Variants in STT3A observed in about 807,000 individuals in gnomAD.
STT3A encodes STT3 oligosaccharyltransferase complex catalytic subunit A.
Under a neutral mutation model 89.2 loss-of-function variants are expected in STT3A, and 34 were observed. That is an observed-to-expected ratio of 0.38 (90% CI 0.29 to 0.51). The LOEUF is 0.51. Ranked by LOEUF, STT3A falls within the 20% of genes least tolerant of loss-of-function variation. The probability of loss-of-function intolerance (pLI) is 0.89; values close to 1 mark genes in which losing one functional copy is unlikely to be tolerated. For synonymous variants in STT3A, 282 were observed against 310.3 expected, an observed-to-expected ratio of 0.91 and a Z score of 0.96; for missense variants, 555 against 889.5, an observed-to-expected ratio of 0.62 and a Z score of 4.78.
chr11:125,607,588 C>T (rs1191468491), intron 8 of STT3A, among the ~76,000 whole-genome samples: 1 of 152,190 alleles, frequency 6.6e-6, no homozygotes, highest in East Asian at 1.9e-4. Flanking sequence ...CCAACACAGA[C>T]CTACTGAATC....
chr11:125,615,265 A>C (rs1940143978), intron 15 of STT3A, among the ~76,000 whole-genome samples: 1 of 150,120 alleles, frequency 6.7e-6, no homozygotes, highest in Non-Finnish European at 1.5e-5. Flanking sequence ...AAACTGTTTC[A>C]AAAAAAAAAG....
chr11:125,611,272 G>T, intron 10 of STT3A, 156 bp from the exon 11 acceptor site: 1 of 601,812 alleles, frequency 1.7e-6, no homozygotes, highest in Admixed American at 3.3e-5. Context: ...AAACATCTTT[G>T]CATGTTTCTA....
intron 4 of STT3A, 102 bp downstream of exon 4, chr11:125,602,526 C>T (rs764367590): frequency 1.7e-5 from 23 of 1,323,020 alleles, no homozygotes; most frequent in Admixed American, 3.0e-5. Flanking sequence ...TCTTGTGACA[C>T]TTGTAATTTC....
intron 1 of STT3A, among the ~76,000 whole-genome samples, chr11:125,595,241 A>G (rs1341284819): frequency 6.8e-6 from 1 of 148,078 alleles, no homozygotes; most frequent in Non-Finnish European, 1.5e-5. Context: ...GTGTGATCCT[A>G]GCTCACTGCA....
chr11:125,621,658 C>A lies in STT3A; in HGVS notation c.*848C>A, dbSNP rs1435389228. 6.6e-6 allele frequency: 1 copy of A among 152,150 alleles called. No homozygotes were observed. Among genetic ancestry groups the A allele is most frequent in the African/African-American group, 2.4e-5 (1 of 41,426 alleles). 9.4% of individuals were successfully genotyped at this position (152,150 alleles called of 1,614,324 possible). A position where few individuals can be genotyped will look rare whatever the true frequency, so the allele number is the denominator to read the frequency against. ...CTTGTGGTTGTTCAAAGGTGAGCTTCTTTTTCCCTTAGTCTTAGCCTATGT... is the reference window on the plus strand; with the variant it reads ...CTTGTGGTTGTTCAAAGGTGAGCTTATTTTTCCCTTAGTCTTAGCCTATGT... On this transcript the variant is annotated 3_prime_UTR_variant, in exon 18 of 18. Coordinates refer to ENST00000392708, the MANE Select transcript of STT3A (RefSeq NM_152713.5).
intron 7 of STT3A, among the ~76,000 whole-genome samples, chr11:125,606,059 C>A (rs1422133075): frequency 6.6e-6 from 1 of 151,874 alleles, no homozygotes; most frequent in East Asian, 1.9e-4. Context: ...TGGGTTTGAA[C>A]TTGATTTTAT....
At position 125,620,872 on chromosome 11, in the gene STT3A, T is replaced by A; in HGVS notation, c.*62T>A. 6 of 601,170 alleles carry A rather than the reference T, an allele frequency of 1.0e-5. No individual in the cohort carries two copies. The highest frequency in any genetic ancestry group is 4.0e-5 in the South Asian group (1 of 24,948). The allele number at this position is 601,170 out of a possible 1,614,324, so 37.2% of individuals were successfully genotyped here. A position where few individuals can be genotyped will look rare whatever the true frequency, so the allele number is the denominator to read the frequency against. On this transcript the variant is annotated 3_prime_UTR_variant, in exon 18 of 18. Transcript: ENST00000392708. ...ACATCACATTTAGGACGTTGAAGAT[T>A]TTTTTTTTTTTTTTTTTTTAATATG...
intron 3 of STT3A, among the ~76,000 whole-genome samples, chr11:125,601,952 C>T (rs1024598832): frequency 6.6e-6 from 1 of 152,012 alleles, no homozygotes; most frequent in South Asian, 2.1e-4. Context: ...GCACATGCCA[C>T]CGTGCCCAGC....
Position 125,606,321 on chromosome 11 carries a change from T to C in STT3A, c.636T>C (p.Tyr212=). The C allele has an allele frequency of 3.7e-6, 6 of 1,613,884 alleles. No individual in the cohort carries two copies. Among genetic ancestry groups the C allele is most frequent in the Non-Finnish European group, 5.1e-6 (6 of 1,179,980 alleles). The change falls in exon 8 of 18, where the codon TAT becomes TAC. Residue 212 remains tyrosine (Y), a synonymous_variant. Coordinates refer to ENST00000392708, the MANE Select transcript of STT3A (RefSeq NM_152713.5). ...CATAGGTCTCGTCATGGGGAGGTTA[T>C]GTGTTCCTGATCAACTTAATTCCTC... ...YFYMVSSWGG[Y]VFLINLIPLH...
Position 125,621,021 on chromosome 11 carries a change from GGCTTTACTT to G in STT3A, c.*212_*220del, listed in dbSNP as rs1940333216. On this transcript the variant is annotated 3_prime_UTR_variant, in exon 18 of 18. Coordinates refer to ENST00000392708, the MANE Select transcript of STT3A (RefSeq NM_152713.5). ...AACAGGTTACCAAATGAAATGTCAT[GGCTTTACTT>G]TGGTCAATTAAAGGGGGGAATTTTT... is the stretch of plus-strand genomic sequence containing the variant. 2.2e-6 allele frequency: 1 copy of G among 446,538 alleles called. No homozygotes were observed. Among genetic ancestry groups the G allele is most frequent in the African/African-American group, 2.0e-5 (1 of 49,264 alleles). 27.7% of individuals were successfully genotyped at this position (446,538 alleles called of 1,614,324 possible). A position where few individuals can be genotyped will look rare whatever the true frequency, so the allele number is the denominator to read the frequency against.
chr11:125,604,734 A>T (rs1939783031), intron 6 of STT3A, among the ~76,000 whole-genome samples: 1 of 152,254 alleles, frequency 6.6e-6, no homozygotes, highest in African/African-American at 2.4e-5. Flanking sequence ...TAAAATGGAC[A>T]TGTAAATATA....
intron 7 of STT3A, 100 bp from the exon 8 acceptor site, chr11:125,606,201 T>C (rs1037343600): frequency 9.0e-7 from 1 of 1,111,748 alleles, no homozygotes; most frequent in African/African-American, 1.6e-5. Flanking sequence ...ATAGTTACTA[T>C]AAGTGTTCTT....
intron 6 of STT3A, among the ~76,000 whole-genome samples, chr11:125,604,805 G>A (rs1029539527): frequency 2.0e-5 from 3 of 152,198 alleles, no homozygotes; most frequent in Non-Finnish European, 4.4e-5. Flanking sequence ...AGTACTTCAG[G>A]AATGTAGTGG....
At position 125,623,033 on chromosome 11, in the gene STT3A, T is replaced by C. The variant is rs693615; in HGVS notation, c.*2223T>C. ...TTGCAGTGAGCAGACATCATGCCAC[T>C]GCACTCCAACCTGGGAGACAGAGCA... On this transcript the variant is annotated 3_prime_UTR_variant, in exon 18 of 18. Coordinates refer to ENST00000392708, the MANE Select transcript of STT3A (RefSeq NM_152713.5). The C allele has an allele frequency of 0.035, 4,599 of 130,224 alleles. 98 individuals carry two copies. Among genetic ancestry groups the C allele is most frequent in the Middle Eastern group, 0.07 (13 of 186 alleles). The allele number at this position is 130,224 out of a possible 1,614,324, so 8.1% of individuals were successfully genotyped here.
intron 8 of STT3A, among the ~76,000 whole-genome samples, chr11:125,607,631 G>C (rs1055836332): frequency 1.2e-4 from 19 of 152,326 alleles, no homozygotes; most frequent in African/African-American, 4.6e-4. Flanking sequence ...AGCGATCTGT[G>C]CTTCGACACT....
intron 7 of STT3A, 180 bp from the exon 8 acceptor site, chr11:125,606,121 C>T: frequency 1.7e-6 from 1 of 585,110 alleles, no homozygotes; most frequent in Non-Finnish European, 2.9e-6. Context: ...CATGTAAGGA[C>T]TTGATTTTCC....
intron 17 of STT3A, among the ~76,000 whole-genome samples, chr11:125,620,359 G>A (rs1267284405): frequency 6.6e-6 from 1 of 152,002 alleles, no homozygotes; most frequent in Admixed American, 6.6e-5. Context: ...TTTTCCAGCT[G>A]GGGCTTGACT....
At chr11:125,605,808 G>A (rs1939817505) in intron 7 of STT3A, 73 bp downstream of exon 7, 1 of 1,326,024 alleles carries the variant, frequency 7.5e-7, no homozygotes, top group Non-Finnish European at 1.0e-6. Flanking sequence ...CTTATTGTTT[G>A]ACCAACTTTC....
chr11:125,606,388 C>T lies in STT3A; in HGVS notation c.703C>T (p.Arg235Trp), dbSNP rs1258974707. 4 of 1,614,052 alleles carry T rather than the reference C, an allele frequency of 2.5e-6. No homozygotes were observed. The highest frequency in any genetic ancestry group is 3.4e-6 in the Non-Finnish European group (4 of 1,180,034). ...GATGCTCACAGGCCGTTTCTCTCAC[C>T]GGATCTATGTGGCCTACTGTACTGT... ...VLMLTGRFSH[R>W]IYVAYCTVYC... is the part of the protein sequence containing the mutation. The change falls in exon 8 of 18, where the codon CGG becomes TGG. Residue 235 changes from arginine (R) to tryptophan (W), a missense_variant. Transcript: ENST00000392708.
Sources: allele counts gnomAD v4.1 joint callset (sites outside exome capture counted in the v4.1 genomes callset), GRCh38; gene constraint gnomAD v4.1.1; transcripts MANE v1.5; gene names NCBI Gene and HGNC (gene_info 2026-07-23, HGNC 2026-07-21).